B4GALT6: variants seen among roughly 807,000 people sequenced by gnomAD.
B4GALT6 encodes the protein UDP-Gal:beta-GlcNAc beta-1,4-galactosyltransferase 6.
B4GALT6 carries 14 observed loss-of-function variants against 46.3 expected under a neutral mutation model. The ratio of observed to expected loss-of-function variants is 0.30; its 90% CI spans 0.20 to 0.47. The LOEUF is 0.47. B4GALT6 is among the 20% of genes least tolerant of loss of function. The probability of loss-of-function intolerance (pLI) is 0.99; values close to 1 mark genes in which losing one functional copy is unlikely to be tolerated. For missense variants in B4GALT6, 386 were observed against 480.1 expected, an observed-to-expected ratio of 0.80 and a Z score of 1.83; for synonymous variants, 168 against 162.0, an observed-to-expected ratio of 1.04 and a Z score of -0.28.
the B4GALT6 span, among the ~76,000 whole-genome samples, chr18:31,711,566 A>G: frequency 6.6e-6 from 1 of 152,158 alleles, no homozygotes; most frequent in South Asian, 2.1e-4. Flanking sequence ...ACAATTTTTA[A>G]ACCTAGTGAG....
chr18:31,677,700 G>A (rs931984254), intron 1 of B4GALT6, among the ~76,000 whole-genome samples: 14 of 152,112 alleles, frequency 9.2e-5, no homozygotes, highest in African/African-American at 2.7e-4. Context: ...TTAAATCACC[G>A]TGTCCTTCAG....
rs1207553598 is a variant in B4GALT6, at chr18:31,645,471, G to A, written c.355C>T (p.Leu119Phe). 5 of 1,606,374 alleles carry A rather than the reference G, an allele frequency of 3.1e-6. No homozygotes were observed. The highest frequency in any genetic ancestry group is 4.2e-6 in the Non-Finnish European group (5 of 1,178,338). ...PEKLPYMRGF[L>F]NVNVSEVSFD... ...CTGACTTCGCTTACATTGACATTGAGGAATCCTCCTACAAATTAAAAATGT... is the reference window on the plus strand; with the variant it reads ...CTGACTTCGCTTACATTGACATTGAAGAATCCTCCTACAAATTAAAAATGT... The change falls in exon 4 of 9, where the codon CTC becomes TTC. Residue 119 changes from leucine (L) to phenylalanine (F), a missense_variant. Coordinates refer to ENST00000306851, the MANE Select transcript of B4GALT6 (RefSeq NM_004775.5).
intron 6 of B4GALT6, among the ~76,000 whole-genome samples, chr18:31,627,327 T>A (rs1385011940): frequency 6.6e-6 from 1 of 152,030 alleles, no homozygotes; most frequent in Non-Finnish European, 1.5e-5. Flanking sequence ...ATGTTAAATG[T>A]AAAGCACTTA....
chr18:31,706,088 A>T, the B4GALT6 span, among the ~76,000 whole-genome samples: 1 of 152,174 alleles, frequency 6.6e-6, no homozygotes, highest in Non-Finnish European at 1.5e-5. Context: ...AACATAGTAA[A>T]TGTTCAATAA....
At chr18:31,673,237 G>T (rs917480417) in intron 1 of B4GALT6, among the ~76,000 whole-genome samples, 1 of 152,046 alleles carries the variant, frequency 6.6e-6, no homozygotes, top group Non-Finnish European at 1.5e-5. Flanking sequence ...GGGTAGTAAC[G>T]GAAGTTAGGA....
chr18:31,679,443 CA>C (rs1011180200), intron 1 of B4GALT6, among the ~76,000 whole-genome samples: 6 of 152,204 alleles, frequency 3.9e-5, no homozygotes, highest in Admixed American at 3.9e-4. Flanking sequence ...GGAATGGACC[CA>C]ATGACTCTTG....
chr18:31,666,293 C>T lies in B4GALT6; in HGVS notation c.195G>A (p.Arg65=), dbSNP rs1487413345. 3.7e-6 allele frequency: 6 copies of T among 1,608,392 alleles called. No homozygotes were observed. In the African/African-American group the frequency reaches 6.7e-5, roughly 18 times the overall value. Residue 65 remains arginine (R), a synonymous_variant, in exon 2 of 9, where the codon AGG becomes AGA. Transcript: ENST00000306851. The part of the protein sequence containing the change: ...ENVKTIGHMI[R]LYTNKNSTLN... ...GCGTACTGTTTTTATTTGTGTACAG[C>T]CTGATCATATGACCTATTGTTTTCA...
upstream of B4GALT6, among the ~76,000 whole-genome samples, chr18:31,688,512 T>TA (rs1416630866): frequency 6.6e-6 from 1 of 152,102 alleles, no homozygotes; most frequent in Non-Finnish European, 1.5e-5. Flanking sequence ...TTCTGTATTG[T>TA]AGTTAAAATT....
rs1455154190 is a variant in B4GALT6, at chr18:31,669,844, CATCTT to C, written c.116-3477_116-3473del. Among the ~76,000 whole-genome samples, 15 of 152,226 alleles carry C rather than the reference CATCTT, an allele frequency of 9.9e-5. No homozygotes were observed. In the East Asian group the frequency reaches 2.9e-3, roughly 29 times the overall value. On this transcript the variant is annotated intron_variant, in intron 1 of 8. Transcript: ENST00000306851. Reference sequence around the variant, plus strand: ...TGAAATTTGTTGTCAGTAATATAAACATCTTATATTTGTGCTACACCAAACTGTGA... The same window carrying C: ...TGAAATTTGTTGTCAGTAATATAAACATATTTGTGCTACACCAAACTGTGA...
chr18:31,708,279 C>T, the B4GALT6 span, among the ~76,000 whole-genome samples: 1 of 152,168 alleles, frequency 6.6e-6, no homozygotes, highest in Non-Finnish European at 1.5e-5. Flanking sequence ...AAACACAGCA[C>T]TATAGCTGGG....
chr18:31,668,335 A>G (rs2074307294), intron 1 of B4GALT6, among the ~76,000 whole-genome samples: 1 of 152,196 alleles, frequency 6.6e-6, no homozygotes, highest in Non-Finnish European at 1.5e-5. Flanking sequence ...GCGGGGCAGA[A>G]GTTTAAAACT....
At chr18:31,662,922 C>T (rs909976425) in intron 2 of B4GALT6, among the ~76,000 whole-genome samples, 1 of 152,160 alleles carries the variant, frequency 6.6e-6, no homozygotes, top group Admixed American at 6.5e-5. Flanking sequence ...TCATGTATAA[C>T]CACTGCTTTC....
chr18:31,662,439 C>T (rs1003640000), intron 2 of B4GALT6, among the ~76,000 whole-genome samples: 3 of 152,156 alleles, frequency 2.0e-5, no homozygotes, highest in African/African-American at 7.2e-5. Context: ...TGATTTCTAG[C>T]ACCTAATAAT....
At chr18:31,686,979 A>C (rs1190272022), upstream of B4GALT6, among the ~76,000 whole-genome samples, 1 of 152,244 alleles carries the variant, frequency 6.6e-6, no homozygotes, top group Non-Finnish European at 1.5e-5. Context: ...GAGAAGTAGT[A>C]ACATTATAGA....
intron 4 of B4GALT6, 55 bp downstream of exon 4, chr18:31,645,300 C>G (rs1481287638): frequency 6.2e-7 from 1 of 1,600,510 alleles, no homozygotes; most frequent in East Asian, 2.2e-5. Context: ...CAAGCACATT[C>G]TTTCCTCAAA....
intron 1 of B4GALT6, among the ~76,000 whole-genome samples, chr18:31,668,836 C>T (rs1312194179): frequency 1.6e-5 from 2 of 127,230 alleles, no homozygotes; most frequent in Non-Finnish European, 3.5e-5. Context: ...GCCGTCTCTA[C>T]TAAAAAAATA....
chr18:31,690,297 A>G (rs2030066043), upstream of B4GALT6, among the ~76,000 whole-genome samples: 2 of 151,104 alleles, frequency 1.3e-5, no homozygotes, highest in Admixed American at 1.3e-4. Flanking sequence ...ATGCCTGTCA[A>G]ATTTTTTATT....
the B4GALT6 span, among the ~76,000 whole-genome samples, chr18:31,700,468 T>TGTGTGA: frequency 0.014 from 2,021 of 148,344 alleles, 37 homozygotes; most frequent in African/African-American, 0.037. Flanking sequence ...TGTGTGTGTG[T>TGTGTGA]GAGAGAGAGA....
rs1403235620 is a variant in B4GALT6, at chr18:31,622,403, A to G, written c.*3211T>C. On this transcript the variant is annotated 3_prime_UTR_variant, in exon 9 of 9. Coordinates refer to ENST00000306851, the MANE Select transcript of B4GALT6 (RefSeq NM_004775.5). ...CTAAATAAATAAAATAATCTTAAGT[A>G]CACTTCCTCTTTCTGATAAACAATA... is the stretch of plus-strand genomic sequence containing the variant. 6.6e-6 allele frequency: 1 copy of G among 152,104 alleles called. No individual in the cohort carries two copies. Among genetic ancestry groups the G allele is most frequent in the Non-Finnish European group, 1.5e-5 (1 of 67,936 alleles). 9.4% of individuals were successfully genotyped at this position (152,104 alleles called of 1,614,324 possible).
Sources: gnomAD v4.1 joint callset for allele counts (sites outside exome capture counted in the v4.1 genomes callset) on GRCh38, gnomAD v4.1.1 for gene constraint, MANE v1.5 for transcripts, NCBI Gene and HGNC (gene_info 2026-07-23, HGNC 2026-07-21) for gene names.